Variants in NTM observed in about 807,000 individuals in gnomAD.
The protein encoded by NTM is neurotrimin.
In NTM, 13 loss-of-function variants were observed where a neutral mutation model predicts 42.1. The ratio of observed to expected loss-of-function variants is 0.31; its 90% CI spans 0.20 to 0.49. The LOEUF is 0.49. Ranked by LOEUF, NTM falls within the 20% of genes least tolerant of loss-of-function variation. The probability of loss-of-function intolerance (pLI) is 0.99; values close to 1 mark genes in which losing one functional copy is unlikely to be tolerated. For missense variants in NTM, 373 were observed against 452.8 expected, an observed-to-expected ratio of 0.82 and a Z score of 1.60; for synonymous variants, 187 against 179.2, an observed-to-expected ratio of 1.04 and a Z score of -0.35.
intron 1 of NTM, among the ~76,000 whole-genome samples, chr11:131,598,568 GT>G (rs2060014497): frequency 6.6e-6 from 1 of 152,118 alleles, no homozygotes; most frequent in Non-Finnish European, 1.5e-5. Flanking sequence ...CCCTCCATTA[GT>G]CACTGGGGTC....
At chr11:131,878,648 T>A (rs2048975994) in intron 1 of NTM, among the ~76,000 whole-genome samples, 1 of 131,148 alleles carries the variant, frequency 7.6e-6, no homozygotes, top group East Asian at 2.2e-4. Context: ...TATAATGTCT[T>A]ATGTTCATAC....
At chr11:131,481,365 T>C (rs1953565423) in intron 1 of NTM, among the ~76,000 whole-genome samples, 1 of 152,224 alleles carries the variant, frequency 6.6e-6, no homozygotes, top group South Asian at 2.1e-4. Context: ...CTGGCTGTGC[T>C]CAGCTTTCTG....
chr11:131,592,294 A>C (rs919330780), intron 1 of NTM, among the ~76,000 whole-genome samples: 3 of 152,122 alleles, frequency 2.0e-5, no homozygotes, highest in African/African-American at 7.2e-5. Flanking sequence ...AGCTTTGAGC[A>C]TGTAACTTCA....
intron 2 of NTM, among the ~76,000 whole-genome samples, chr11:132,111,893 C>T (rs1266383344): frequency 6.6e-6 from 1 of 152,220 alleles, no homozygotes; most frequent in East Asian, 1.9e-4. Flanking sequence ...GCGAGGTTGT[C>T]AGTGATTCGT....
At chr11:131,858,420 G>A (rs529251910) in intron 1 of NTM, among the ~76,000 whole-genome samples, 1 of 151,930 alleles carries the variant, frequency 6.6e-6, no homozygotes, top group Non-Finnish European at 1.5e-5. Flanking sequence ...AGAGGGGAAT[G>A]CTGTTTGGAC....
intron 1 of NTM, among the ~76,000 whole-genome samples, chr11:131,557,260 G>T (rs1326833239): frequency 1.3e-5 from 2 of 152,126 alleles, no homozygotes; most frequent in African/African-American, 4.8e-5. Context: ...GAGTTGTTTT[G>T]TGAGTTGGGT....
At chr11:131,533,771 C>T (rs987728377) in intron 1 of NTM, 1 of 152,208 alleles carries the variant, frequency 6.6e-6, no homozygotes, top group African/African-American at 2.4e-5. Context: ...AAGCTCACAA[C>T]AAGGGGAGAA....
intron 2 of NTM, among the ~76,000 whole-genome samples, chr11:132,093,474 C>T (rs997508382): frequency 6.6e-6 from 1 of 152,192 alleles, no homozygotes; most frequent in Non-Finnish European, 1.5e-5. Flanking sequence ...TTCTCTTCCT[C>T]CCTTCCTCCA....
chr11:131,894,499 C>A (rs1055558974), intron 1 of NTM, among the ~76,000 whole-genome samples: 1 of 152,154 alleles, frequency 6.6e-6, no homozygotes, highest in East Asian at 1.9e-4. Flanking sequence ...TGGGGCCTGA[C>A]AGACATGGAG....
chr11:131,892,104 GCTC>G (rs1484609552), intron 1 of NTM, among the ~76,000 whole-genome samples: 2 of 151,774 alleles, frequency 1.3e-5, no homozygotes, highest in Non-Finnish European at 2.9e-5. Context: ...TTTGTCAGCT[GCTC>G]CTCTTCTTCC....
At chr11:131,626,615 G>A (rs1007523750) in intron 1 of NTM, among the ~76,000 whole-genome samples, 10 of 152,178 alleles carry the variant, frequency 6.6e-5, no homozygotes, top group South Asian at 4.1e-4. Flanking sequence ...ACCAGGACGT[G>A]ATGGGCAAAA....
chr11:131,682,597 G>A (rs551538565), intron 1 of NTM, among the ~76,000 whole-genome samples: 1 of 152,342 alleles, frequency 6.6e-6, no homozygotes, highest in Admixed American at 6.5e-5. Context: ...CTGCAAAGTA[G>A]AGGAGCCCAG....
At chr11:132,165,200 A>G (rs113185706) in intron 3 of NTM, among the ~76,000 whole-genome samples, 1 of 152,190 alleles carries the variant, frequency 6.6e-6, no homozygotes, top group Non-Finnish European at 1.5e-5. Context: ...AATTAAACAA[A>G]TCATCTTGCC....
intron 2 of NTM, among the ~76,000 whole-genome samples, chr11:131,996,311 C>T (rs903860947): frequency 6.6e-6 from 1 of 152,110 alleles, no homozygotes; most frequent in South Asian, 2.1e-4. Context: ...CTGCACCTGC[C>T]ATACCCAGCA....
intron 4 of NTM, among the ~76,000 whole-genome samples, chr11:132,257,804 G>A (rs1241882385): frequency 6.6e-6 from 1 of 152,178 alleles, no homozygotes; most frequent in African/African-American, 2.4e-5. Context: ...TGATTTCGAA[G>A]CCCATTGCCT....
chr11:132,100,525 G>C (rs1001056486), intron 2 of NTM, among the ~76,000 whole-genome samples: 1 of 152,176 alleles, frequency 6.6e-6, no homozygotes, highest in Admixed American at 6.5e-5. Flanking sequence ...ATAGAACTGG[G>C]GTGGCAGGAA....
At chr11:131,692,554 T>C (rs1260816651) in intron 1 of NTM, among the ~76,000 whole-genome samples, 1 of 152,146 alleles carries the variant, frequency 6.6e-6, no homozygotes, top group Non-Finnish European at 1.5e-5. Context: ...AGAGAGGGGA[T>C]AGAGAGGAGA....
At chr11:132,287,753 A>G (rs1321578382) in intron 4 of NTM, among the ~76,000 whole-genome samples, 2 of 152,244 alleles carry the variant, frequency 1.3e-5, no homozygotes, top group Admixed American at 1.3e-4. Context: ...GCTAACATGC[A>G]TGTGTGAGCA....
intron 1 of NTM, among the ~76,000 whole-genome samples, chr11:131,910,524 C>CCGCT (rs1440925770): frequency 2.1e-4 from 32 of 151,506 alleles, no homozygotes; most frequent in African/African-American, 7.5e-4. Flanking sequence ...GCCAGCCCGC[C>CCGCT]CGCTCGCTCC....
Sources: gnomAD v4.1 joint callset for allele counts (sites outside exome capture counted in the v4.1 genomes callset) on GRCh38, gnomAD v4.1.1 for gene constraint, MANE v1.5 for transcripts, NCBI Gene and HGNC (gene_info 2026-07-23, HGNC 2026-07-21) for gene names.